The following FOXP2 variants were observed in gnomAD, a reference collection of about 807,000 sequenced individuals.
FOXP2 encodes the protein forkhead box protein P2.
In FOXP2, 12 loss-of-function variants were observed where a neutral mutation model predicts 115.8. The observed-to-expected ratio is 0.10, with a 90% CI of 0.07 to 0.17. FOXP2 has a LOEUF of 0.17. Ranked by LOEUF, FOXP2 falls within the 10% of genes least tolerant of loss-of-function variation. The probability of loss-of-function intolerance (pLI) is 1.00; values close to 1 mark genes in which losing one functional copy is unlikely to be tolerated. For synonymous variants in FOXP2, 328 were observed against 297.7 expected, an observed-to-expected ratio of 1.10 and a Z score of -1.05; for missense variants, 629 against 843.5, an observed-to-expected ratio of 0.75 and a Z score of 3.15.
At chr7:114,337,815 G>A (rs1797896393) in intron 2 of FOXP2, among the ~76,000 whole-genome samples, 1 of 151,278 alleles carries the variant, frequency 6.6e-6, no homozygotes, top group Non-Finnish European at 1.5e-5. Flanking sequence ...TATTCTGCCA[G>A]CATGAGCTCG....
At chr7:114,495,310 T>C (rs1308084170) in intron 2 of FOXP2, among the ~76,000 whole-genome samples, 3 of 152,124 alleles carry the variant, frequency 2.0e-5, no homozygotes, top group Admixed American at 6.6e-5. Flanking sequence ...AAACACCAAA[T>C]ACAGTATTTT....
intron 2 of FOXP2, among the ~76,000 whole-genome samples, chr7:114,328,208 TGCTCTCAG>T (rs1179919107): frequency 2.0e-5 from 3 of 151,120 alleles, no homozygotes; most frequent in Non-Finnish European, 4.4e-5. Flanking sequence ...TGTGAGCCAG[TGCTCTCAG>T]CCCTTTCTTT....
intron 1 of FOXP2, among the ~76,000 whole-genome samples, chr7:114,217,017 T>C (rs1011405386): frequency 6.6e-6 from 1 of 152,218 alleles, no homozygotes; most frequent in Non-Finnish European, 1.5e-5. Flanking sequence ...TTCATGATTA[T>C]GGTTTGAGTG....
chr7:114,122,314 T>C (rs967915572), intron 1 of FOXP2, among the ~76,000 whole-genome samples: 3 of 152,098 alleles, frequency 2.0e-5, no homozygotes, highest in Admixed American at 2.0e-4. Context: ...TAGTAGAGTT[T>C]TTAAGTCCCC....
At chr7:114,482,064 A>G (rs1033778151) in intron 2 of FOXP2, among the ~76,000 whole-genome samples, 4 of 151,510 alleles carry the variant, frequency 2.6e-5, no homozygotes, top group African/African-American at 9.6e-5. Context: ...CCAGAACTAC[A>G]TGCAGTACTC....
intron 1 of FOXP2, among the ~76,000 whole-genome samples, chr7:114,199,514 C>T (rs1345817129): frequency 4.6e-5 from 7 of 152,054 alleles, no homozygotes; most frequent in Admixed American, 1.3e-4. Flanking sequence ...AGAAAGGGAG[C>T]AGAGCTAAGA....
At chr7:114,506,443 C>T (rs548752741) in intron 2 of FOXP2, among the ~76,000 whole-genome samples, 1 of 151,510 alleles carries the variant, frequency 6.6e-6, no homozygotes, top group Non-Finnish European at 1.5e-5. Context: ...GAAACTAAGA[C>T]AGAAATCATA....
intron 2 of FOXP2, among the ~76,000 whole-genome samples, chr7:114,360,446 T>C (rs1010752815): frequency 6.6e-6 from 1 of 152,164 alleles, no homozygotes; most frequent in Non-Finnish European, 1.5e-5. Context: ...TTTCTCCTGA[T>C]AACCATCTTT....
At chr7:114,397,886 G>A (rs1792782194) in intron 2 of FOXP2, among the ~76,000 whole-genome samples, 1 of 152,208 alleles carries the variant, frequency 6.6e-6, no homozygotes, top group South Asian at 2.1e-4. Context: ...CAGGAGTGGA[G>A]ATCCAAGTGA....
chr7:114,339,816 T>C (rs1791157718), intron 2 of FOXP2, among the ~76,000 whole-genome samples: 1 of 151,236 alleles, frequency 6.6e-6, no homozygotes, highest in South Asian at 2.1e-4. Context: ...CAGAGTAAGA[T>C]ACAGTTTTTT....
At chr7:114,229,885 C>G (rs1247942740) in intron 1 of FOXP2, among the ~76,000 whole-genome samples, 2 of 151,448 alleles carry the variant, frequency 1.3e-5, no homozygotes, top group African/African-American at 4.8e-5. Flanking sequence ...GGAAGGAAAT[C>G]ATGAAGGTTA....
chr7:114,487,381 A>G (rs1796843228), intron 2 of FOXP2, among the ~76,000 whole-genome samples: 1 of 152,046 alleles, frequency 6.6e-6, no homozygotes, highest in Non-Finnish European at 1.5e-5. Context: ...CAACCCAGGA[A>G]ACCATTTTTT....
intron 3 of FOXP2, among the ~76,000 whole-genome samples, chr7:114,544,883 G>A (rs1016826185): frequency 3.9e-5 from 6 of 151,982 alleles, no homozygotes; most frequent in South Asian, 2.1e-4. Flanking sequence ...TTTATTTTCC[G>A]TAATCAATAA....
At chr7:114,573,014 A>C (rs1380787058) in intron 3 of FOXP2, among the ~76,000 whole-genome samples, 1 of 151,772 alleles carries the variant, frequency 6.6e-6, no homozygotes, top group Non-Finnish European at 1.5e-5. Flanking sequence ...TGTGTCTGAG[A>C]CTGCATCTCA....
rs1229738250 is a variant in FOXP2, at chr7:114,156,494, A to G, written c.-246-6450A>G. ...TAATAACTCTTTCAACCAATTGCCA[A>G]TGAGAAAATCTTTGAATCCACCTAT... On this transcript the variant is annotated intron_variant, in intron 1 of 19. Coordinates refer to the FOXP2 transcript ENST00000635638. 4.6e-5 allele frequency among the ~76,000 whole-genome samples: 7 copies of G among 152,260 alleles called. No homozygotes were observed. The East Asian group carries it at 9.7e-4, about 21-fold the overall frequency.
At chr7:114,310,403 C>A (rs1408128206) in intron 2 of FOXP2, among the ~76,000 whole-genome samples, 1 of 152,180 alleles carries the variant, frequency 6.6e-6, no homozygotes, top group African/African-American at 2.4e-5. Context: ...GCTTAATAGT[C>A]ATCATGTCCA....
At chr7:114,126,524 C>A (rs945981334) in intron 1 of FOXP2, among the ~76,000 whole-genome samples, 2 of 152,058 alleles carry the variant, frequency 1.3e-5, no homozygotes, top group Non-Finnish European at 2.9e-5. Flanking sequence ...AAGCTATTTG[C>A]AGTCATTATT....
chr7:114,335,853 T>C (rs1797840640), intron 2 of FOXP2, among the ~76,000 whole-genome samples: 1 of 151,460 alleles, frequency 6.6e-6, no homozygotes. Context: ...GGAATGAGAG[T>C]ACAATAATTT....
At chr7:114,155,480 T>G (rs1051816332) in intron 1 of FOXP2, among the ~76,000 whole-genome samples, 1 of 152,138 alleles carries the variant, frequency 6.6e-6, no homozygotes, top group African/African-American at 2.4e-5. Context: ...CTTTGACATA[T>G]TTTGAAATGG....
Sources: gnomAD v4.1 joint callset for allele counts (sites outside exome capture counted in the v4.1 genomes callset) on GRCh38, gnomAD v4.1.1 for gene constraint, MANE v1.5 for transcripts, NCBI Gene and HGNC (gene_info 2026-07-23, HGNC 2026-07-21) for gene names.